The following RTTN variants were observed in gnomAD, a reference collection of about 807,000 sequenced individuals.
The protein encoded by RTTN is rotatin.
RTTN carries 182 observed loss-of-function variants against 269.2 expected under a neutral mutation model. The ratio of observed to expected loss-of-function variants is 0.68; its 90% confidence interval spans 0.60 to 0.76. RTTN has a LOEUF of 0.76. Ranked by LOEUF, RTTN falls within the 30% of genes least tolerant of loss-of-function variation. The pLI, the probability that RTTN is intolerant of heterozygous loss-of-function variation, is 0.00. For missense variants in RTTN, 2,545 were observed against 2,608.6 expected (o/e 0.98, Z 0.53); for synonymous variants, 1,006 against 963.5 (o/e 1.04, Z -0.82).
intron 32 of RTTN, among the ~76,000 whole-genome samples, chr18:70,081,843 A>T (rs166903): frequency 0.9 from 137,388 of 151,904 alleles, 62,896 homozygotes; most frequent in East Asian, 1. Flanking sequence ...TCTCCTAATT[A>T]TGATAATTAT....
chr18:70,199,333 T>A, intron 5 of RTTN, 81 bp downstream of exon 5: 3 of 887,160 alleles, frequency 3.4e-6, no homozygotes, highest in Non-Finnish European at 5.3e-6. Flanking sequence ...TATCTTTTCC[T>A]GGTAAAACAT....
chr18:70,184,448 T>A (rs912917195), intron 10 of RTTN, among the ~76,000 whole-genome samples: 2 of 151,970 alleles, frequency 1.3e-5, no homozygotes, highest in African/African-American at 4.8e-5. Flanking sequence ...CTTGGGAGGC[T>A]GAAGCTGTAG....
At chr18:70,136,599 T>C (rs1339963463) in intron 21 of RTTN, among the ~76,000 whole-genome samples, 1 of 151,796 alleles carries the variant, frequency 6.6e-6, no homozygotes, top group Non-Finnish European at 1.5e-5. Context: ...AAAAGATAAC[T>C]TCACTAAAAC....
chr18:70,175,865 T>C (rs1459764112), intron 11 of RTTN, among the ~76,000 whole-genome samples: 1 of 152,138 alleles, frequency 6.6e-6, no homozygotes, highest in Non-Finnish European at 1.5e-5. Context: ...ATGGAAACTA[T>C]TGTTTGTATT....
chr18:70,031,075 G>A (rs780257174), intron 40 of RTTN, 94 bp from the exon 41 acceptor site: 10 of 762,438 alleles, frequency 1.3e-5, no homozygotes, highest in Non-Finnish European at 2.1e-5. Flanking sequence ...AAAAGATATT[G>A]CTAGGTTTCA....
chr18:70,043,234 C>T (rs746156337), intron 40 of RTTN, among the ~76,000 whole-genome samples: 14 of 152,252 alleles, frequency 9.2e-5, no homozygotes, highest in East Asian at 3.9e-4. Flanking sequence ...AAAGTCAGCA[C>T]GTTTTAAAAT....
At chr18:70,016,790 ATT>A (rs1383370726) in intron 46 of RTTN, among the ~76,000 whole-genome samples, 1 of 152,016 alleles carries the variant, frequency 6.6e-6, no homozygotes, top group Non-Finnish European at 1.5e-5. Context: ...TCAAATATTT[ATT>A]GAGTGCTCGC....
intron 27 of RTTN, among the ~76,000 whole-genome samples, chr18:70,110,546 G>A (rs927520418): frequency 2.6e-5 from 4 of 152,146 alleles, no homozygotes; most frequent in Admixed American, 1.3e-4. Flanking sequence ...CTTGTCCCAC[G>A]GTTTTCGCAA....
rs1056815026 is a variant in RTTN, at chr18:70,054,252, C to T, written c.5064G>A (p.Leu1688=). The part of the protein sequence containing the change: ...VSFLLEYLSS[L]SRLLQSCLLV... The stretch of plus-strand genomic sequence containing the variant: ...ATAAACATGACTGCAGAAGCCTGGA[C>T]AAAGAGGATAGGTATTCCAGGAGAA... Residue 1688 remains leucine, a synonymous_variant, in exon 38 of 49, where the codon TTG becomes TTA. Transcript: ENST00000640769. 5 of 1,613,456 alleles carry T rather than the reference C, an allele frequency of 3.1e-6. No individual in the cohort carries two copies. The highest frequency in any genetic ancestry group is 3.4e-6 in the Non-Finnish European group (4 of 1,179,734).
In RTTN at chr18:70,175,571, A is replaced by T. The variant is rs115485573; in HGVS notation, c.1476+1104T>A. ...GATCAGGTGCTAAAATAAAAATATTAAGCAATTAAGTTGCTGACAGAAAGG... is the reference window on the plus strand; with the variant it reads ...GATCAGGTGCTAAAATAAAAATATTTAGCAATTAAGTTGCTGACAGAAAGG... On this transcript the variant is annotated intron_variant, in intron 11 of 48. Transcript: ENST00000640769. Among the ~76,000 whole-genome samples the T allele has an allele frequency of 2.8e-3, 422 of 152,140 alleles. 1 individual carries two copies. Among genetic ancestry groups the T allele is most frequent in the African/African-American group, 9.6e-3 (399 of 41,520 alleles).
chr18:70,130,007 A>G (rs2059958807), intron 23 of RTTN: 1 of 152,004 alleles, frequency 6.6e-6, no homozygotes, highest in Non-Finnish European at 1.5e-5. Flanking sequence ...CATACAAATG[A>G]CCAACAGGTA....
In RTTN at chr18:70,197,681, A is replaced by G. The variant is rs199689681; in HGVS notation, c.636T>C (p.Asp212=). 2.2e-5 allele frequency: 36 copies of G among 1,613,978 alleles called. No homozygotes were observed. The Admixed American group carries it at 4.2e-4, about 19-fold the overall frequency. ...CAGCAGGAAAATCTTGCATGATAAC[A>G]TCCTTCAATAGTTCACAGGTGTTCC... ...LIWNTCELLK[D]VIMQDFPAEI... Residue 212 remains aspartate, a synonymous_variant, in exon 6 of 49, where the codon GAT becomes GAC. Coordinates refer to ENST00000640769, the MANE Select transcript of RTTN (RefSeq NM_173630.4).
rs766254864 is a variant in RTTN, at chr18:70,109,540, C to T, written c.3861G>A (p.Lys1287=). 3 of 1,614,012 alleles carry T rather than the reference C, an allele frequency of 1.9e-6. No homozygotes were observed. The highest frequency in any genetic ancestry group is 3.3e-5 in the Admixed American group (2 of 60,002). ...PGWSSHSPLT[K]PLDICVKYLS... is the part of the protein sequence containing the mutation. ...AGTACTTCACACAGATATCTAGAGG[C>T]TTTGTGAGAGGAGAGTGTGAGCTCC... The change falls in exon 28 of 49, where the codon AAG becomes AAA. Residue 1287 remains lysine (K), a synonymous_variant. Coordinates refer to ENST00000640769, the MANE Select transcript of RTTN (RefSeq NM_173630.4).
intron 43 of RTTN, among the ~76,000 whole-genome samples, chr18:70,028,452 T>A (rs545938773): frequency 1.3e-5 from 2 of 152,220 alleles, no homozygotes; most frequent in South Asian, 4.1e-4. Flanking sequence ...ATAAAACACA[T>A]CCAGCCATTC....
intron 38 of RTTN, chr18:70,053,354 G>C (rs1438598957): frequency 3.9e-5 from 6 of 152,142 alleles, no homozygotes; most frequent in African/African-American, 1.4e-4. Flanking sequence ...TCACCTTGTT[G>C]AGCTTGTCCA....
intron 41 of RTTN, 103 bp downstream of exon 41, chr18:70,030,773 T>C (rs1461502140): frequency 1.2e-6 from 1 of 808,380 alleles, no homozygotes; most frequent in Non-Finnish European, 2.0e-6. Context: ...GATTATACTA[T>C]ACGTTTTTTA....
intron 28 of RTTN, among the ~76,000 whole-genome samples, chr18:70,099,963 A>G (rs2059114526): frequency 6.6e-6 from 1 of 152,344 alleles, no homozygotes; most frequent in South Asian, 2.1e-4. Context: ...TACCAGTACC[A>G]TGCTGTTTTG....
chr18:70,095,660 G>A (rs931204177), intron 28 of RTTN, among the ~76,000 whole-genome samples: 2 of 152,212 alleles, frequency 1.3e-5, no homozygotes, highest in African/African-American at 4.8e-5. Context: ...AGAGAGATCC[G>A]CTGGTAAGAC....
intron 32 of RTTN, among the ~76,000 whole-genome samples, chr18:70,082,287 C>T (rs977714966): frequency 6.6e-6 from 1 of 152,154 alleles, no homozygotes; most frequent in African/African-American, 2.4e-5. Flanking sequence ...CATCATCATA[C>T]ATAACATGAT....
Sources: allele counts gnomAD v4.1 joint callset (sites outside exome capture counted in the v4.1 genomes callset), GRCh38; gene constraint gnomAD v4.1.1; transcripts MANE v1.5; gene names NCBI Gene and HGNC (gene_info 2026-07-23, HGNC 2026-07-21).